Variants in TRIM55 observed in about 807,000 individuals in gnomAD.
TRIM55 encodes the protein tripartite motif containing 55, also known as tripartite motif-containing protein 55.
Under a neutral mutation model 60.9 loss-of-function variants are expected in TRIM55, and 50 were observed. The ratio of observed to expected loss-of-function variants is 0.82; its 90% CI spans 0.65 to 1.04. The LOEUF (loss-of-function observed/expected upper bound fraction) is 1.04. TRIM55 is among the 50% of genes least tolerant of loss of function. TRIM55 has a pLI of 0.00. For missense variants in TRIM55, 681 were observed against 666.9 expected, an observed-to-expected ratio of 1.02 and a Z score of -0.23; for synonymous variants, 237 against 238.1, an observed-to-expected ratio of 1.00 and a Z score of 0.04.
chr8:66,166,313 T>C (rs1811327052), intron 9 of TRIM55, among the ~76,000 whole-genome samples: 1 of 152,254 alleles, frequency 6.6e-6, no homozygotes, highest in Admixed American at 6.5e-5. Context: ...TCTACAATTC[T>C]GTGAACACAG....
intron 4 of TRIM55, among the ~76,000 whole-genome samples, chr8:66,141,055 G>T (rs927417441): frequency 6.6e-6 from 1 of 152,084 alleles, no homozygotes; most frequent in Non-Finnish European, 1.5e-5. Context: ...GTCTAATTTT[G>T]TCCTAATCAT....
At chr8:66,147,229 T>G (rs1293174045) in intron 4 of TRIM55, among the ~76,000 whole-genome samples, 2 of 152,214 alleles carry the variant, frequency 1.3e-5, no homozygotes, top group Non-Finnish European at 2.9e-5. Flanking sequence ...ACAAATGACA[T>G]GCATTGTTTG....
At chr8:66,127,656 A>G (rs1476324942) in intron 1 of TRIM55, among the ~76,000 whole-genome samples, 1 of 151,598 alleles carries the variant, frequency 6.6e-6, no homozygotes, top group Non-Finnish European at 1.5e-5. Context: ...GCAAAACCCC[A>G]TCTCCACTAA....
At chr8:66,123,972 C>A (rs938095437), upstream of TRIM55, among the ~76,000 whole-genome samples, 5 of 152,150 alleles carry the variant, frequency 3.3e-5, no homozygotes, top group African/African-American at 1.2e-4. Context: ...TAGGTGAAGT[C>A]ACTTTCCAAG....
At chr8:66,150,640 G>A (rs1241554728) in intron 7 of TRIM55, among the ~76,000 whole-genome samples, 174 bp downstream of exon 7, 1 of 151,186 alleles carries the variant, frequency 6.6e-6, no homozygotes, top group Non-Finnish European at 1.5e-5. Context: ...ATCGTTTGTT[G>A]ACAGTGTTTA....
chr8:66,141,545 C>G lies in TRIM55; in HGVS notation c.603+4355C>G, dbSNP rs186446540. On this transcript the variant is annotated intron_variant, in intron 4 of 9. Coordinates refer to ENST00000315962, the MANE Select transcript of TRIM55 (RefSeq NM_184085.2). ...AGCTCTCTGCTTCCAGGGAAACATG[C>G]TTGACTTTCACTTCTCATCCCTAGA... Among the ~76,000 whole-genome samples, 193 of 152,312 alleles carry G rather than the reference C, an allele frequency of 1.3e-3. 1 individual carries two copies. The highest frequency in any genetic ancestry group is 3.4e-3 in the Middle Eastern group (1 of 294).
At chr8:66,144,602 A>G (rs1810005119) in intron 4 of TRIM55, among the ~76,000 whole-genome samples, 1 of 152,254 alleles carries the variant, frequency 6.6e-6, no homozygotes, top group Non-Finnish European at 1.5e-5. Context: ...ACAGACATCA[A>G]AAGGAAGAAA....
chr8:66,162,344 C>T (rs1306322740), intron 9 of TRIM55, among the ~76,000 whole-genome samples: 2 of 152,034 alleles, frequency 1.3e-5, no homozygotes, highest in African/African-American at 2.4e-5. Context: ...TATATTAAAC[C>T]ATCCCTGCAT....
chr8:66,166,032 G>T (rs949240628), intron 9 of TRIM55, among the ~76,000 whole-genome samples: 6 of 151,386 alleles, frequency 4.0e-5, no homozygotes, highest in African/African-American at 1.5e-4. Flanking sequence ...CAGCTGGGCT[G>T]CCATCTCCTC....
chr8:66,142,206 A>C (rs988261365), intron 4 of TRIM55, among the ~76,000 whole-genome samples: 2 of 152,224 alleles, frequency 1.3e-5, no homozygotes, highest in Non-Finnish European at 2.9e-5. Flanking sequence ...ACTTATTCTG[A>C]TGATGTGATC....
chr8:66,173,361 T>C (rs574618902), intron 9 of TRIM55, among the ~76,000 whole-genome samples: 1 of 152,312 alleles, frequency 6.6e-6, no homozygotes, highest in South Asian at 2.1e-4. Flanking sequence ...GGGTAAAATC[T>C]GGTAAAGTGC....
chr8:66,152,715 G>GA (rs560827199), intron 8 of TRIM55, 88 bp downstream of exon 8: 703 of 1,493,190 alleles, frequency 4.7e-4, no homozygotes, highest in Non-Finnish European at 6.1e-4. Flanking sequence ...TCTGCCTTAA[G>GA]AAAAAGATAA....
chr8:66,159,363 T>C (rs1016123602), intron 9 of TRIM55, among the ~76,000 whole-genome samples: 2 of 152,244 alleles, frequency 1.3e-5, no homozygotes, highest in African/African-American at 4.8e-5. Context: ...GTGGCATGTA[T>C]AGTATCTCAG....
chr8:66,117,285 A>T, the TRIM55 span, among the ~76,000 whole-genome samples: 1 of 152,258 alleles, frequency 6.6e-6, no homozygotes, highest in Admixed American at 6.5e-5. Context: ...GCAATAAAGC[A>T]AAGGAAATGA....
At chr8:66,169,512 T>C (rs1811504484) in intron 9 of TRIM55, among the ~76,000 whole-genome samples, 1 of 152,218 alleles carries the variant, frequency 6.6e-6, no homozygotes, top group Admixed American at 6.5e-5. Context: ...CACCTTCAAC[T>C]AAAAATTAAC....
chr8:66,155,817 A>G (rs1197048722), intron 9 of TRIM55: 2 of 773,192 alleles, frequency 2.6e-6, no homozygotes, highest in South Asian at 3.6e-5. Context: ...CTTGAGGCTC[A>G]GTCCTCCCAA....
intron 9 of TRIM55, among the ~76,000 whole-genome samples, chr8:66,164,933 A>G (rs1489361962): frequency 1.3e-5 from 2 of 148,924 alleles, no homozygotes; most frequent in Non-Finnish European, 3.0e-5. Context: ...GAAGGAGGAA[A>G]GAAGGAAGGA....
At chr8:66,139,611 C>T (rs1283303133) in intron 4 of TRIM55, among the ~76,000 whole-genome samples, 2 of 152,110 alleles carry the variant, frequency 1.3e-5, no homozygotes, top group South Asian at 2.1e-4. Context: ...GATCATTACC[C>T]CCATTCTTAT....
intron 4 of TRIM55, 60 bp from the exon 5 acceptor site, chr8:66,149,585 G>A (rs2128979752): frequency 7.5e-7 from 1 of 1,340,052 alleles, no homozygotes; most frequent in Admixed American, 1.8e-5. Flanking sequence ...ATAACTAGGT[G>A]ATTTCTCCAA....
Sources: gnomAD v4.1 joint callset for allele counts (sites outside exome capture counted in the v4.1 genomes callset) on GRCh38, gnomAD v4.1.1 for gene constraint, MANE v1.5 for transcripts, NCBI Gene and HGNC (gene_info 2026-07-23, HGNC 2026-07-21) for gene names.